AP3S1: variants seen among roughly 807,000 people sequenced by gnomAD.
AP3S1 encodes AP-3 complex subunit sigma-1.
AP3S1 carries 12 observed loss-of-function variants against 21.3 expected under a neutral mutation model. The observed-to-expected ratio is 0.56, with a 90% CI of 0.36 to 0.91. The LOEUF is 0.91. Ranked by LOEUF, AP3S1 falls within the 40% of genes least tolerant of loss-of-function variation. The probability of loss-of-function intolerance (pLI) is 0.01; values close to 1 mark genes in which losing one functional copy is unlikely to be tolerated. For synonymous variants in AP3S1, 48 were observed against 78.4 expected (o/e 0.61, Z 2.05); for missense variants, 116 against 225.0 (o/e 0.52, Z 3.10).
intron 5 of AP3S1, among the ~76,000 whole-genome samples, chr5:115,910,305 T>C (rs1474121277): frequency 6.6e-6 from 1 of 151,542 alleles, no homozygotes; most frequent in South Asian, 2.1e-4. Context: ...GATTGAGGCC[T>C]TTCTCTATCA....
intron 1 of AP3S1, among the ~76,000 whole-genome samples, chr5:115,861,731 G>C (rs1046583950): frequency 6.6e-6 from 1 of 151,794 alleles, no homozygotes; most frequent in Non-Finnish European, 1.5e-5. Context: ...ATTTTTTGTA[G>C]AGACAGGGTT....
chr5:115,880,939 T>A (rs1398888116), intron 3 of AP3S1, among the ~76,000 whole-genome samples: 1 of 152,230 alleles, frequency 6.6e-6, no homozygotes, highest in Admixed American at 6.5e-5. Context: ...TTGATCCCTT[T>A]ACCATTATGT....
rs1357863487 is a variant in AP3S1, at chr5:115,913,547, C to T, written c.*57C>T. ...CAGGGGGAAGAGTCATCTAAGTTTACCATGCAGTTGTTTACCAAAAATAGA... is the reference window on the plus strand; with the variant it reads ...CAGGGGGAAGAGTCATCTAAGTTTATCATGCAGTTGTTTACCAAAAATAGA... On this transcript the variant is annotated 3_prime_UTR_variant, in exon 6 of 6. Transcript: ENST00000316788. 9.0e-5 allele frequency: 143 copies of T among 1,585,774 alleles called. No homozygotes were observed. The South Asian group carries it at 1.5e-3, about 17-fold the overall frequency.
intron 1 of AP3S1, among the ~76,000 whole-genome samples, chr5:115,843,068 GAGGA>G (rs994315587): frequency 6.6e-6 from 1 of 152,224 alleles, no homozygotes; most frequent in Non-Finnish European, 1.5e-5. Context: ...GTTGATGATC[GAGGA>G]AGGGTTTTAT....
At chr5:115,864,699 T>C (rs1039705399) in intron 1 of AP3S1, among the ~76,000 whole-genome samples, 26 of 152,112 alleles carry the variant, frequency 1.7e-4, no homozygotes, top group African/African-American at 6.3e-4. Flanking sequence ...ATTGTGAATG[T>C]AGCAAAAAAG....
chr5:115,900,218 A>C (rs968760128), intron 4 of AP3S1, among the ~76,000 whole-genome samples: 1 of 152,200 alleles, frequency 6.6e-6, no homozygotes, highest in Admixed American at 6.5e-5. Flanking sequence ...TATAGTTACC[A>C]ATTTTCATAA....
intron 3 of AP3S1, 74 bp from the exon 4 acceptor site, chr5:115,895,013 G>A: frequency 2.1e-6 from 2 of 972,716 alleles, no homozygotes; most frequent in Non-Finnish European, 3.0e-6. Flanking sequence ...TCATAATTAA[G>A]AATTGCCTTC....
intron 1 of AP3S1, 141 bp downstream of exon 1, chr5:115,842,247 C>T (rs957235921): frequency 1.7e-4 from 219 of 1,311,806 alleles, no homozygotes; most frequent in Non-Finnish European, 2.1e-4. Context: ...CGCCAGCTGT[C>T]AGCCTCCTGG....
At chr5:115,860,918 G>A (rs1452312993) in intron 1 of AP3S1, among the ~76,000 whole-genome samples, 1 of 152,104 alleles carries the variant, frequency 6.6e-6, no homozygotes, top group Non-Finnish European at 1.5e-5. Flanking sequence ...TATGTGTAAG[G>A]TAACCCAGAT....
At chr5:115,899,332 A>G (rs889413160) in intron 4 of AP3S1, among the ~76,000 whole-genome samples, 2 of 152,248 alleles carry the variant, frequency 1.3e-5, no homozygotes, top group Non-Finnish European at 2.9e-5. Flanking sequence ...CAGTAAGCCA[A>G]TAGAAAGAAA....
intron 5 of AP3S1, among the ~76,000 whole-genome samples, chr5:115,907,445 A>G (rs1751743596): frequency 6.6e-6 from 1 of 152,154 alleles, no homozygotes; most frequent in African/African-American, 2.4e-5. Flanking sequence ...TCTTAACAGA[A>G]TTGCTTTTAC....
intron 3 of AP3S1, among the ~76,000 whole-genome samples, chr5:115,887,943 T>C (rs1420619283): frequency 6.6e-6 from 1 of 152,158 alleles, no homozygotes; most frequent in Non-Finnish European, 1.5e-5. Flanking sequence ...GAGGACTCTT[T>C]ATATTTGGAG....
intron 3 of AP3S1, 56 bp from the exon 4 acceptor site, chr5:115,895,031 A>T (rs909697530): frequency 8.3e-7 from 1 of 1,205,150 alleles, no homozygotes; most frequent in Non-Finnish European, 1.2e-6. Context: ...TTCCTTATAG[A>T]TAATAGTTTT....
intron 1 of AP3S1, among the ~76,000 whole-genome samples, 179 bp downstream of exon 1, chr5:115,842,285 T>G (rs1356026847): frequency 6.6e-6 from 1 of 152,118 alleles, no homozygotes; most frequent in Non-Finnish European, 1.5e-5. Context: ...CCCACCTCCC[T>G]GCCGCGCGGT....
intron 1 of AP3S1, among the ~76,000 whole-genome samples, chr5:115,848,200 T>G (rs1762196042): frequency 6.6e-6 from 1 of 152,216 alleles, no homozygotes; most frequent in Non-Finnish European, 1.5e-5. Flanking sequence ...TTTTTGTGAC[T>G]GTGGAAAATT....
chr5:115,852,480 C>CTTTATA (rs1762507290), intron 1 of AP3S1, among the ~76,000 whole-genome samples: 1 of 152,064 alleles, frequency 6.6e-6, no homozygotes. Flanking sequence ...CTCTCACATG[C>CTTTATA]TATAAGATTC....
chr5:115,873,370 C>T (rs142594115), intron 3 of AP3S1, among the ~76,000 whole-genome samples: 1 of 152,248 alleles, frequency 6.6e-6, no homozygotes, highest in East Asian at 1.9e-4. Context: ...TATTAGATAA[C>T]ATACAGAAGA....
At chr5:115,882,004 T>G (rs1221500546) in intron 3 of AP3S1, among the ~76,000 whole-genome samples, 1 of 151,846 alleles carries the variant, frequency 6.6e-6, no homozygotes, top group African/African-American at 2.4e-5. Flanking sequence ...CTATTGATAC[T>G]GTGTGTGCTT....
intron 5 of AP3S1, among the ~76,000 whole-genome samples, chr5:115,909,535 C>T (rs1244553733): frequency 1.3e-5 from 2 of 152,112 alleles, no homozygotes; most frequent in Admixed American, 1.3e-4. Flanking sequence ...TTCTTTCATC[C>T]AGTTCATATT....
Sources: allele counts gnomAD v4.1 joint callset (sites outside exome capture counted in the v4.1 genomes callset), GRCh38; gene constraint gnomAD v4.1.1; transcripts MANE v1.5; gene names NCBI Gene and HGNC (gene_info 2026-07-23, HGNC 2026-07-21).